Variants in VSTM5 observed in about 807,000 individuals in gnomAD.
VSTM5 encodes the protein V-set and transmembrane domain-containing protein 5.
VSTM5 carries 21 observed loss-of-function variants against 20.3 expected under a neutral mutation model. That is an observed-to-expected ratio of 1.03 (90% confidence interval 0.73 to 1.49). VSTM5 has a LOEUF of 1.49. VSTM5 is among the 40% of genes most tolerant of loss of function. The pLI is 0.00. For synonymous variants in VSTM5, 100 were observed against 102.5 expected (o/e 0.98, Z 0.14); for missense variants, 219 against 250.0 (o/e 0.88, Z 0.84).
At chr11:93,827,819 TA>T (rs1202848096) in intron 1 of VSTM5, 1 of 151,924 alleles carries the variant, frequency 6.6e-6, no homozygotes, top group Non-Finnish European at 1.5e-5. Flanking sequence ...GTTACTAAGT[TA>T]AAAAAATAAA....
chr11:93,820,044 A>G lies in VSTM5; in HGVS notation c.*525T>C, dbSNP rs1944166864. 2 of 160,750 alleles carry G rather than the reference A, an allele frequency of 1.2e-5. No individual in the cohort carries two copies. Among genetic ancestry groups the G allele is most frequent in the African/African-American group, 4.8e-5 (2 of 41,486 alleles). The allele number at this position is 160,750 out of a possible 1,614,324, so 10.0% of individuals were successfully genotyped here. ...TTCCACCTCTGCTCTGAGGCAGCAG[A>G]TTGTCTAAAAGCCTCAGGTTTTCTC... On this transcript the variant is annotated 3_prime_UTR_variant, in exon 4 of 4. Coordinates refer to ENST00000409977, the MANE Select transcript of VSTM5 (RefSeq NM_001144871.2).
chr11:93,835,431 T>A (rs1054985097), intron 1 of VSTM5, among the ~76,000 whole-genome samples: 1 of 152,068 alleles, frequency 6.6e-6, no homozygotes, highest in Non-Finnish European at 1.5e-5. Flanking sequence ...TCTAAAAAAA[T>A]TTAAAAAAAT....
In VSTM5 at chr11:93,823,505, A is replaced by G. The variant is rs184991618; in HGVS notation, c.92-2182T>C. Among the ~76,000 whole-genome samples the G allele has an allele frequency of 2.0e-3, 302 of 152,132 alleles. 1 individual carries two copies. Among genetic ancestry groups the G allele is most frequent in the African/African-American group, 6.9e-3 (285 of 41,512 alleles). The stretch of plus-strand genomic sequence containing the variant: ...CAGAATTTGTTCATCTTATAACTCA[A>G]AGTTTGGACCTTTTGATCTGCATCT... On this transcript the variant is annotated intron_variant, in intron 1 of 3. Transcript: ENST00000409977.
At position 93,818,894 on chromosome 11, in the gene VSTM5, T is replaced by C. The variant is rs1944154762; in HGVS notation, c.*1675A>G. On this transcript the variant is annotated 3_prime_UTR_variant, in exon 4 of 4. Coordinates refer to ENST00000409977, the MANE Select transcript of VSTM5 (RefSeq NM_001144871.2). ...CATAGTGTGTGAGTTTACCCGTGTG[T>C]CTACAGGAGGCGCCTTGAGGGTATC... The C allele has an allele frequency of 6.6e-6, 1 of 152,274 alleles. No individual in the cohort carries two copies. The highest frequency in any genetic ancestry group is 2.1e-4 in the South Asian group (1 of 4,826). 9.4% of individuals were successfully genotyped at this position (152,274 alleles called of 1,614,324 possible). A position where few individuals can be genotyped will look rare whatever the true frequency, so the allele number is the denominator to read the frequency against.
intron 1 of VSTM5, among the ~76,000 whole-genome samples, chr11:93,838,627 T>TAAA (rs56088617): frequency 7.5e-5 from 7 of 93,224 alleles, no homozygotes; most frequent in South Asian, 4.6e-4. Flanking sequence ...TCCCGTCTCT[T>TAAA]AAAAAAAAAA....
Position 93,821,286 on chromosome 11 carries a change from G to T in VSTM5, c.129C>A (p.Ile43=). ...GGATGTCTTCTTTGACAGTGGCATT[G>T]ATGGTGGCCTGAGGAATGTATAGGG... is the stretch of plus-strand genomic sequence containing the variant. ...GVSLYIPQAT[I]NATVKEDILL... Residue 43 remains isoleucine (I), a synonymous_variant, in exon 2 of 4, where the codon ATC becomes ATA. Transcript: ENST00000409977. The T allele has an allele frequency of 6.4e-7, 1 of 1,551,776 alleles. No individual in the cohort carries two copies. Among genetic ancestry groups the T allele is most frequent in the Non-Finnish European group, 8.7e-7 (1 of 1,147,008 alleles).
rs1185793853 is a variant in VSTM5, at chr11:93,818,686, T to C, written c.*1883A>G. The C allele has an allele frequency of 2.0e-5, 3 of 152,280 alleles. No individual in the cohort carries two copies. The East Asian group carries it at 5.8e-4, about 30-fold the overall frequency. The allele number at this position is 152,280 out of a possible 1,614,324, so 9.4% of individuals were successfully genotyped here. Reference sequence around the variant, plus strand: ...GCAGGTAGTGTGGAAGAGGACATGCTGGCCCCAGCAGCTACCCAACTCCCA... The same window carrying C: ...GCAGGTAGTGTGGAAGAGGACATGCCGGCCCCAGCAGCTACCCAACTCCCA... On this transcript the variant is annotated 3_prime_UTR_variant, in exon 4 of 4. Coordinates refer to ENST00000409977, the MANE Select transcript of VSTM5 (RefSeq NM_001144871.2).
intron 1 of VSTM5, among the ~76,000 whole-genome samples, chr11:93,831,263 A>C (rs1944281793): frequency 3.3e-5 from 5 of 152,096 alleles, no homozygotes. Flanking sequence ...TCCTGGGCTC[A>C]AGCGAACCTC....
chr11:93,826,195 G>A (rs1944233798), intron 1 of VSTM5, among the ~76,000 whole-genome samples: 1 of 151,946 alleles, frequency 6.6e-6, no homozygotes, highest in Admixed American at 6.6e-5. Flanking sequence ...AGCTATGATC[G>A]TGCCATTGCA....
At position 93,820,622 on chromosome 11, in the gene VSTM5, A is replaced by G; in HGVS notation, c.560-10T>C. The G allele has an allele frequency of 6.4e-7, 1 of 1,551,854 alleles. No individual in the cohort carries two copies. Among genetic ancestry groups the G allele is most frequent in the Non-Finnish European group, 8.7e-7 (1 of 1,147,024 alleles). ...TCCTCAGTTGTGCTTTCTGTAAAGC[A>G]AAGACAAGTCAATGAGTTGGAAATC... On this transcript the variant is annotated splice_polypyrimidine_tract_variant and intron_variant, in intron 3 of 3. Transcript: ENST00000409977.
chr11:93,841,179 C>T (rs183001950), intron 1 of VSTM5, among the ~76,000 whole-genome samples: 26 of 152,300 alleles, frequency 1.7e-4, no homozygotes, highest in African/African-American at 6.0e-4. Context: ...CATAGGCCAC[C>T]AATTCACTTC....
intron 1 of VSTM5, among the ~76,000 whole-genome samples, chr11:93,825,966 G>A (rs1437743594): frequency 1.6e-4 from 25 of 152,018 alleles, no homozygotes; most frequent in Admixed American, 1.6e-3. Context: ...GCCAGGCTCA[G>A]TGGCTCACGT....
intron 1 of VSTM5, among the ~76,000 whole-genome samples, chr11:93,841,685 C>T (rs1276541437): frequency 6.6e-6 from 1 of 152,238 alleles, no homozygotes; most frequent in African/African-American, 2.4e-5. Context: ...ACCAAGGATG[C>T]CCTCAGGGTC....
At chr11:93,847,749 C>T (rs904299662) in intron 1 of VSTM5, among the ~76,000 whole-genome samples, 5 of 152,168 alleles carry the variant, frequency 3.3e-5, no homozygotes, top group Admixed American at 6.5e-5. Context: ...GCCAGCTTTC[C>T]GAGCCCATAA....
At chr11:93,829,692 C>A (rs1944266667) in intron 1 of VSTM5, among the ~76,000 whole-genome samples, 1 of 152,182 alleles carries the variant, frequency 6.6e-6, no homozygotes, top group Admixed American at 6.5e-5. Context: ...AACACTCTGG[C>A]TCCCTAATGC....
chr11:93,839,112 C>G (rs1297479382), intron 1 of VSTM5, among the ~76,000 whole-genome samples: 1 of 152,254 alleles, frequency 6.6e-6, no homozygotes, highest in East Asian at 1.9e-4. Context: ...TGGCCCAAGG[C>G]TGATACCTGA....
intron 1 of VSTM5, among the ~76,000 whole-genome samples, chr11:93,841,844 C>G (rs1339271212): frequency 6.6e-6 from 1 of 152,140 alleles, no homozygotes; most frequent in Non-Finnish European, 1.5e-5. Context: ...GTCAATGGAT[C>G]AAGAGTGAAA....
intron 1 of VSTM5, among the ~76,000 whole-genome samples, chr11:93,827,350 T>C (rs1188420917): frequency 1.3e-5 from 2 of 152,218 alleles, no homozygotes; most frequent in South Asian, 2.1e-4. Flanking sequence ...GCCACTGCAC[T>C]CCAGCCTGGC....
chr11:93,835,779 C>T (rs1030730595), intron 1 of VSTM5, among the ~76,000 whole-genome samples: 1 of 152,196 alleles, frequency 6.6e-6, no homozygotes, highest in Non-Finnish European at 1.5e-5. Flanking sequence ...ATTGAGTCTA[C>T]AGCCATGACT....
Sources: allele counts gnomAD v4.1 joint callset (sites outside exome capture counted in the v4.1 genomes callset), GRCh38; gene constraint gnomAD v4.1.1; transcripts MANE v1.5; gene names NCBI Gene and HGNC (gene_info 2026-07-23, HGNC 2026-07-21).